The following KCND2 variants were observed in gnomAD, a reference collection of about 807,000 sequenced individuals.
KCND2 encodes potassium voltage-gated channel subfamily D member 2, also known as A-type voltage-gated potassium channel KCND2.
In KCND2, 16 loss-of-function variants were observed where a neutral mutation model predicts 54.4. That is an observed-to-expected ratio of 0.29 (90% CI 0.20 to 0.45). The LOEUF is 0.45. Ranked by LOEUF, KCND2 falls within the 20% of genes least tolerant of loss-of-function variation. KCND2 has a pLI of 1.00. For synonymous variants in KCND2, 317 were observed against 310.7 expected (o/e 1.02, Z -0.21); for missense variants, 486 against 824.2 (o/e 0.59, Z 5.02).
chr7:120,309,479 A>ATATATT (rs71530038), intron 1 of KCND2, among the ~76,000 whole-genome samples: 1 of 79,502 alleles, frequency 1.3e-5, no homozygotes, highest in East Asian at 4.9e-4. Context: ...ATATATACAC[A>ATATATT]CACACACACA....
chr7:120,634,847 C>T (rs1245366208), intron 1 of KCND2, among the ~76,000 whole-genome samples: 1 of 152,166 alleles, frequency 6.6e-6, no homozygotes, highest in Non-Finnish European at 1.5e-5. Context: ...CTTCCCCTCA[C>T]CTCACAGGCC....
intron 1 of KCND2, among the ~76,000 whole-genome samples, chr7:120,586,024 C>G (rs1158308874): frequency 6.6e-6 from 1 of 152,124 alleles, no homozygotes; most frequent in Non-Finnish European, 1.5e-5. Flanking sequence ...TCTCATAATC[C>G]TTTCTCAAGA....
intron 1 of KCND2, among the ~76,000 whole-genome samples, chr7:120,312,771 T>C (rs920441047): frequency 1.3e-5 from 2 of 152,162 alleles, no homozygotes; most frequent in African/African-American, 2.4e-5. Flanking sequence ...GATACATAGA[T>C]ATTGGTAGTC....
At chr7:120,483,760 G>A (rs1802640090) in intron 1 of KCND2, among the ~76,000 whole-genome samples, 1 of 152,158 alleles carries the variant, frequency 6.6e-6, no homozygotes, top group Admixed American at 6.5e-5. Context: ...CTTAAAGAAA[G>A]CAATTTCAGT....
At chr7:120,650,887 C>A (rs1791723884) in intron 1 of KCND2, among the ~76,000 whole-genome samples, 1 of 143,540 alleles carries the variant, frequency 7.0e-6, no homozygotes, top group South Asian at 2.2e-4. Context: ...CCACTCCAGA[C>A]CCTGTTTGCC....
intron 1 of KCND2, among the ~76,000 whole-genome samples, chr7:120,483,972 G>A (rs1802651933): frequency 6.6e-6 from 1 of 152,184 alleles, no homozygotes; most frequent in Non-Finnish European, 1.5e-5. Flanking sequence ...GTAGAAATTT[G>A]AGTGTGTGAC....
chr7:120,426,587 TG>T lies in KCND2; in HGVS notation c.1115+150841del, dbSNP rs68088091. 1.0e-3 allele frequency among the ~76,000 whole-genome samples: 119 copies of T among 114,580 alleles called. 1 individual carries two copies. The highest frequency in any genetic ancestry group is 1.9e-3 in the African/African-American group (55 of 28,226). 75.2% of individuals were successfully genotyped at this position (114,580 alleles called of 152,430 possible). On this transcript the variant is annotated intron_variant, in intron 1 of 5. Transcript: ENST00000331113. ...GTACGTTTTTTGTGGGGTTTTTCTTTGTTTTTTTTTTTTTTTTTTTGAGATG... is the reference window on the plus strand; with the variant it reads ...GTACGTTTTTTGTGGGGTTTTTCTTTTTTTTTTTTTTTTTTTTTTGAGATG...
chr7:120,604,239 C>T (rs1792849878), intron 1 of KCND2, among the ~76,000 whole-genome samples: 1 of 151,354 alleles, frequency 6.6e-6, no homozygotes, highest in Non-Finnish European at 1.5e-5. Flanking sequence ...CGGTGGCTCA[C>T]GCCTGTAATC....
chr7:120,319,683 A>G (rs1224185478), intron 1 of KCND2, among the ~76,000 whole-genome samples: 1 of 152,154 alleles, frequency 6.6e-6, no homozygotes, highest in African/African-American at 2.4e-5. Flanking sequence ...AATCATTTCA[A>G]AAATATTGTT....
rs187447758 is a variant in KCND2 at position 120,397,827 on chromosome 7, A to G, written c.1115+122080A>G. 1.4e-3 allele frequency among the ~76,000 whole-genome samples: 217 copies of G among 151,584 alleles called. 1 individual carries two copies. Among genetic ancestry groups the G allele is most frequent in the African/African-American group, 5.2e-3 (214 of 41,410 alleles). ...TTTACTTTTCTACCTATTTAAATAT[A>G]TTTGTGTAGTAAATATAGAGTTAAA... On this transcript the variant is annotated intron_variant, in intron 1 of 5. Coordinates refer to ENST00000331113, the MANE Select transcript of KCND2 (RefSeq NM_012281.3).
chr7:120,426,633 AGGCTGGAGTGCAGTGGCGCAATCTGTCG>A (rs1584774137), intron 1 of KCND2, among the ~76,000 whole-genome samples: 1 of 75,080 alleles, frequency 1.3e-5, no homozygotes, highest in African/African-American at 1.1e-4. Flanking sequence ...TCTGTCGCCC[AGGCTGGAGTGCAGTGGCGCAATCTGTCG>A]CCCAGGCTGG....
At chr7:120,667,451 TAAAA>T (rs1471700829) in intron 1 of KCND2, among the ~76,000 whole-genome samples, 1 of 151,804 alleles carries the variant, frequency 6.6e-6, no homozygotes, top group Non-Finnish European at 1.5e-5. Context: ...ACTACAGTAA[TAAAA>T]GAAAGAAGAA....
At chr7:120,729,983 AT>A (rs1792784823) in intron 1 of KCND2, among the ~76,000 whole-genome samples, 1 of 152,206 alleles carries the variant, frequency 6.6e-6, no homozygotes, top group Non-Finnish European at 1.5e-5. Flanking sequence ...AATTGCAAGT[AT>A]GCTGAGCTTG....
At chr7:120,457,837 C>G (rs1259445566) in intron 1 of KCND2, among the ~76,000 whole-genome samples, 1 of 152,166 alleles carries the variant, frequency 6.6e-6, no homozygotes, top group African/African-American at 2.4e-5. Context: ...TATCAATTTA[C>G]TGTGTTAGTT....
At chr7:120,710,012 A>C (rs1240794395) in intron 1 of KCND2, among the ~76,000 whole-genome samples, 1 of 152,178 alleles carries the variant, frequency 6.6e-6, no homozygotes, top group Non-Finnish European at 1.5e-5. Flanking sequence ...GCAGACCATT[A>C]AACCAAGCAT....
At chr7:120,729,613 A>G (rs1403414792) in intron 1 of KCND2, among the ~76,000 whole-genome samples, 2 of 152,118 alleles carry the variant, frequency 1.3e-5, no homozygotes, top group Non-Finnish European at 2.9e-5. Context: ...GACCATCCTA[A>G]CTGGCTATAA....
chr7:120,451,622 A>G (rs1802110164), intron 1 of KCND2, among the ~76,000 whole-genome samples: 1 of 152,210 alleles, frequency 6.6e-6, no homozygotes, highest in South Asian at 2.1e-4. Flanking sequence ...GTAAAGGCAA[A>G]TGAGTGACGT....
At chr7:120,619,909 T>C (rs1284221609) in intron 1 of KCND2, among the ~76,000 whole-genome samples, 2 of 152,200 alleles carry the variant, frequency 1.3e-5, no homozygotes, top group Non-Finnish European at 2.9e-5. Flanking sequence ...AAGCAAGATT[T>C]GTATCATCCC....
chr7:120,678,610 C>T (rs143578293), intron 1 of KCND2, among the ~76,000 whole-genome samples: 1 of 147,190 alleles, frequency 6.8e-6, no homozygotes, highest in African/African-American at 2.5e-5. Flanking sequence ...TACACATACA[C>T]ACATATATAC....
Sources: allele counts gnomAD v4.1 joint callset (sites outside exome capture counted in the v4.1 genomes callset), GRCh38; gene constraint gnomAD v4.1.1; transcripts MANE v1.5; gene names NCBI Gene and HGNC (gene_info 2026-07-23, HGNC 2026-07-21).